ADGRG1: variants seen among roughly 807,000 people sequenced by gnomAD.
ADGRG1 encodes the protein adhesion G protein-coupled receptor G1, also known as 7-transmembrane protein with no EGF-like N-terminal domains-1.
ADGRG1 carries 53 observed loss-of-function variants against 73.5 expected under a neutral mutation model. That is an observed-to-expected ratio of 0.72 (90% CI 0.58 to 0.91). The LOEUF (loss-of-function observed/expected upper bound fraction) is 0.91. Ranked by LOEUF, ADGRG1 falls within the 40% of genes least tolerant of loss-of-function variation. The pLI is 0.00. For synonymous variants in ADGRG1, 394 were observed against 374.4 expected (o/e 1.05, Z -0.60); for missense variants, 795 against 871.8 (o/e 0.91, Z 1.11).
chr16:57,632,869 C>G, intron 1 of ADGRG1: 2 of 985,440 alleles, frequency 2.0e-6, no homozygotes, highest in Non-Finnish European at 2.4e-6. Flanking sequence ...AAGAGCCAGC[C>G]CAACCCTGGT....
At position 57,663,559 on chromosome 16, in the gene ADGRG1, A is replaced by G; in HGVS notation, c.2041A>G (p.Ser681Gly). ...DSARLPISSG[S>G]TSSSRI ...CGCCAGGCTCCCCATCAGCTCGGGC[A>G]GCACCTCGTCCAGCCGCATCTAGGC... The change falls in exon 14 of 14, where the codon AGC (serine) becomes GGC (glycine). Residue 681 changes from serine to glycine, a missense_variant. Ser to Gly is a moderately conservative substitution (Grantham distance 56). Transcript: ENST00000562631. 2 of 1,613,740 alleles carry G rather than the reference A, an allele frequency of 1.2e-6. No individual in the cohort carries two copies. Among genetic ancestry groups the G allele is most frequent in the Non-Finnish European group, 1.7e-6 (2 of 1,179,996 alleles).
intron 1 of ADGRG1, among the ~76,000 whole-genome samples, chr16:57,629,728 C>G (rs1276290756): frequency 1.3e-5 from 2 of 152,172 alleles, no homozygotes; most frequent in South Asian, 2.1e-4. Flanking sequence ...GCTGAACACC[C>G]TGCCCGTTGC....
chr16:57,653,189 C>T lies in ADGRG1; in HGVS notation c.488-14C>T. ...TCGGCAGCCTCGGCGGGGGCCTGTC[C>T]ACCCCTCCCCCAGGTCCTCCCCACA... On this transcript the variant is annotated splice_polypyrimidine_tract_variant and intron_variant, in intron 3 of 13. Coordinates refer to ENST00000562631, the MANE Select transcript of ADGRG1 (RefSeq NM_201525.4). The T allele has an allele frequency of 2.5e-6, 4 of 1,606,222 alleles. No homozygotes were observed. The highest frequency in any genetic ancestry group is 3.4e-6 in the Non-Finnish European group (4 of 1,179,854).
intron 1 of ADGRG1, chr16:57,647,890 C>A: frequency 5.3e-6 from 2 of 377,268 alleles, no homozygotes; most frequent in Non-Finnish European, 7.3e-6. Flanking sequence ...AGCTCTCTAC[C>A]TGTACTCCCC....
At chr16:57,656,418 G>C in intron 8 of ADGRG1, 96 bp from the exon 9 acceptor site, 2 of 1,607,008 alleles carry the variant, frequency 1.2e-6, no homozygotes, top group Non-Finnish European at 8.5e-7. Context: ...TGAGTAGGCC[G>C]GGTGGAAGAA....
At chr16:57,634,935 C>T in intron 1 of ADGRG1, 1 of 985,082 alleles carries the variant, frequency 1.0e-6, no homozygotes, top group Non-Finnish European at 1.2e-6. Context: ...TGGCAAGGTT[C>T]TTCCAAGGAA....
At chr16:57,647,147 T>C in intron 1 of ADGRG1, 1 of 985,382 alleles carries the variant, frequency 1.0e-6, no homozygotes, top group African/African-American at 1.7e-5. Context: ...GGAGGGGCGC[T>C]AAGTGGACAA....
At chr16:57,659,003 G>A (rs748339236) in intron 10 of ADGRG1, 46 of 985,034 alleles carry the variant, frequency 4.7e-5, no homozygotes, top group East Asian at 1.1e-4. Flanking sequence ...AGACCGATGC[G>A]GGCAGCCCAC....
At chr16:57,647,404 AGG>A in intron 1 of ADGRG1, 1 of 984,688 alleles carries the variant, frequency 1.0e-6, no homozygotes, top group Non-Finnish European at 1.2e-6. Context: ...TGACAGGCCC[AGG>A]GGGCTGAGTT....
rs183876913 is a variant in ADGRG1, at chr16:57,647,143, G to A, written c.-35-3110G>A. On this transcript the variant is annotated intron_variant, in intron 1 of 13. Transcript: ENST00000562631. The stretch of plus-strand genomic sequence containing the variant: ...TGGCATAGGCAGGGATGAAGGAGGG[G>A]CGCTAAGTGGACAAGCGTGACAGTG... 4.1e-6 allele frequency: 4 copies of A among 985,494 alleles called. No homozygotes were observed. In the East Asian group the frequency reaches 3.4e-4, roughly 84 times the overall value. The allele number at this position is 985,494 out of a possible 1,614,324, so 61.0% of individuals were successfully genotyped here.
intron 1 of ADGRG1, among the ~76,000 whole-genome samples, chr16:57,644,605 GGCACACACCCAT>G (rs1227787806): frequency 7.8e-6 from 1 of 128,650 alleles, no homozygotes; most frequent in African/African-American, 3.1e-5. Flanking sequence ...CTCATGCAAG[GGCACACACCCAT>G]GCGCACACAC....
At chr16:57,649,188 G>A (rs1597424835) in intron 1 of ADGRG1, among the ~76,000 whole-genome samples, 2 of 152,302 alleles carry the variant, frequency 1.3e-5, no homozygotes, top group East Asian at 3.9e-4. Flanking sequence ...CTGGGTACTG[G>A]CTCCCCCTGG....
intron 5 of ADGRG1, 43 bp downstream of exon 5, chr16:57,654,176 G>A (rs769007418): frequency 4.7e-5 from 74 of 1,587,304 alleles, no homozygotes; most frequent in Middle Eastern, 3.3e-4. Context: ...GGGTTGGGCC[G>A]GGGCCAGATG....
intron 1 of ADGRG1, chr16:57,644,377 T>G: frequency 5.7e-6 from 1 of 176,186 alleles, no homozygotes; most frequent in South Asian, 2.0e-4. Flanking sequence ...CACACAGCCA[T>G]GTGCACACAG....
intron 6 of ADGRG1, 40 bp downstream of exon 6, chr16:57,655,570 G>C (rs1414885778): frequency 2.2e-5 from 36 of 1,612,716 alleles, no homozygotes; most frequent in Non-Finnish European, 2.5e-5. Flanking sequence ...GGAGAAAGCA[G>C]TTTTTTTCTG....
chr16:57,644,945 A>C, intron 1 of ADGRG1: 1 of 349,356 alleles, frequency 2.9e-6, no homozygotes, highest in Non-Finnish European at 3.9e-6. Flanking sequence ...ATGCACGGGC[A>C]CCCACTGATC....
At chr16:57,658,190 C>A (rs1246764601) in intron 10 of ADGRG1, among the ~76,000 whole-genome samples, 1 of 152,184 alleles carries the variant, frequency 6.6e-6, no homozygotes, top group African/African-American at 2.4e-5. Context: ...ACTGGGTGGA[C>A]ACAATAATAT....
chr16:57,645,168 C>T (rs1057375730), intron 1 of ADGRG1: 3 of 985,366 alleles, frequency 3.0e-6, no homozygotes, highest in South Asian at 4.7e-5. Context: ...AGCTCAGTGT[C>T]GTGCCCCAGC....
intron 1 of ADGRG1, chr16:57,631,181 G>A: frequency 1.0e-6 from 1 of 986,516 alleles, no homozygotes; most frequent in Non-Finnish European, 1.2e-6. Flanking sequence ...GCCCAGTCGA[G>A]GGGAAGGACA....
Sources: allele counts gnomAD v4.1 joint callset (sites outside exome capture counted in the v4.1 genomes callset), GRCh38; gene constraint gnomAD v4.1.1; transcripts MANE v1.5; gene names NCBI Gene and HGNC (gene_info 2026-07-23, HGNC 2026-07-21).